Variants in LENG9 observed in about 807,000 individuals in gnomAD.
LENG9 encodes leukocyte receptor cluster (LRC) member 9.
For synonymous variants in LENG9, 410 were observed against 303.9 expected, an observed-to-expected ratio of 1.35 and a Z score of -3.63; for missense variants, 872 against 652.7, an observed-to-expected ratio of 1.34 and a Z score of -3.66.
Position 54,462,115 on chromosome 19 carries a change from G to A in LENG9, c.1412C>T (p.Pro471Leu). 6.4e-7 allele frequency: 1 copy of A among 1,573,620 alleles called. No individual in the cohort carries two copies. The highest frequency in any genetic ancestry group is 8.6e-7 in the Non-Finnish European group (1 of 1,158,912). ...TCACTCCAGGGGGATCTCAGCCAGG[G>A]GCTGGAAAGGCCCCCCTGTCCTCCC... ...RIGRTGGPFQ[P>L]LAEIPLE Residue 471 changes from proline (P) to leucine (L), a missense_variant, in exon 1 of 1, where the codon CCC (proline) becomes CTC (leucine). Physicochemically the swap from Pro to Leu is moderately conservative, Grantham distance 98. Transcript: ENST00000611161.
rs1400840929 is a variant in LENG9, at chr19:54,463,434, G to C, written c.93C>G (p.Arg31=). ...PPACRFFLEG[R]CRFGARCRQP... ...GGCGGCAGCGGGCGCCGAAGCGGCA[G>C]CGGCCTTCCAGGAAGAAGCGGCAGG... is the stretch of plus-strand genomic sequence containing the variant. Residue 31 remains arginine (R), a synonymous_variant, in exon 1 of 1, where the codon CGC becomes CGG. Coordinates refer to ENST00000611161, the MANE Select transcript of LENG9 (RefSeq NM_001301782.2). 8.0e-7 allele frequency: 1 copy of C among 1,252,672 alleles called. No homozygotes were observed. The allele number at this position is 1,252,672 out of a possible 1,614,324, so 77.6% of individuals were successfully genotyped here.
In LENG9 at chr19:54,463,561, G is replaced by C. The variant is rs2084672670; in HGVS notation, c.-35C>G. The C allele has an allele frequency of 2.9e-6, 4 of 1,376,798 alleles. No individual in the cohort carries two copies. Among genetic ancestry groups the C allele is most frequent in the South Asian group, 1.6e-5 (1 of 62,920 alleles). The allele number at this position is 1,376,798 out of a possible 1,614,324, so 85.3% of individuals were successfully genotyped here. A position where few individuals can be genotyped will look rare whatever the true frequency, so the allele number is the denominator to read the frequency against. On this transcript the variant is annotated 5_prime_UTR_variant, in exon 1 of 1. Coordinates refer to ENST00000611161, the MANE Select transcript of LENG9 (RefSeq NM_001301782.2). Reference sequence around the variant, plus strand: ...GAACTGGCACGCCCGCCGCGCAGACGAGGTCGCCCCGCACGGAGGGCGGCT... The same window carrying C: ...GAACTGGCACGCCCGCCGCGCAGACCAGGTCGCCCCGCACGGAGGGCGGCT...
In LENG9 at chr19:54,463,342, G is replaced by A. The variant is rs2084662836; in HGVS notation, c.185C>T (p.Pro62Leu). The change falls in exon 1 of 1, where the codon CCG (proline) becomes CTG (leucine). Residue 62 changes from proline to leucine, a missense_variant. By Grantham distance (98) the Pro-to-Leu change is moderately conservative. Coordinates refer to ENST00000611161, the MANE Select transcript of LENG9 (RefSeq NM_001301782.2). The stretch of plus-strand genomic sequence containing the variant: ...GACGTCCGCGGCTGTGCGCAGCGGC[G>A]GCTTCTTGGCCCCGGCCTCCGGCTG... ...EAQPEAGAKK[P>L]PLRTAADVIQ... The A allele has an allele frequency of 6.9e-6, 10 of 1,451,952 alleles. No individual in the cohort carries two copies. The African/African-American group carries it at 8.9e-5, about 13-fold the overall frequency. The allele number at this position is 1,451,952 out of a possible 1,614,324, so 89.9% of individuals were successfully genotyped here.
chr19:54,461,762 A>C lies in LENG9; in HGVS notation c.*328T>G, dbSNP rs927805198. The C allele has an allele frequency of 1.8e-6, 1 of 552,570 alleles. No homozygotes were observed. 34.2% of individuals were successfully genotyped at this position (552,570 alleles called of 1,614,324 possible). A position where few individuals can be genotyped will look rare whatever the true frequency, so the allele number is the denominator to read the frequency against. On this transcript the variant is annotated 3_prime_UTR_variant, in exon 1 of 1. Coordinates refer to ENST00000611161, the MANE Select transcript of LENG9 (RefSeq NM_001301782.2). ...TTCTCTTTTCTTTGTGTGTGTGTTT[A>C]TTTAAGTTATTTTTCTTCCTCCTCT...
rs761799845 is a variant in LENG9 at position 54,463,187 on chromosome 19, C to G, written c.340G>C (p.Gly114Arg). 31 of 1,569,638 alleles carry G rather than the reference C, an allele frequency of 2.0e-5. No homozygotes were observed. Among genetic ancestry groups the G allele is most frequent in the African/African-American group, 1.5e-4 (11 of 74,008 alleles). The change falls in exon 1 of 1, where the codon GGG becomes CGG. Residue 114 changes from glycine to arginine, a missense_variant. By Grantham distance (125) the Gly-to-Arg change is moderately radical. Coordinates refer to ENST00000611161, the MANE Select transcript of LENG9 (RefSeq NM_001301782.2). ...FCWDQPLAALGPGVLAVPQHR... is the reference protein window; with the variant it reads ...FCWDQPLAALRPGVLAVPQHR... The stretch of plus-strand genomic sequence containing the variant: ...TGGGGCACTGCCAGCACGCCCGGCC[C>G]GAGCGCCGCCAGCGGCTGGTCCCAG...
chr19:54,462,125 G>T lies in LENG9; in HGVS notation c.1402C>A (p.Pro468Thr), dbSNP rs781603076. The T allele has an allele frequency of 3.8e-6, 6 of 1,580,112 alleles. No individual in the cohort carries two copies. The African/African-American group carries it at 4.0e-5, about 11-fold the overall frequency. ...WLCRIGRTGG[P>T]FQPLAEIPLE ...GGGATCTCAGCCAGGGGCTGGAAAGGCCCCCCTGTCCTCCCTATACGGCAC... is the reference window on the plus strand; with the variant it reads ...GGGATCTCAGCCAGGGGCTGGAAAGTCCCCCCTGTCCTCCCTATACGGCAC... Residue 468 changes from proline (P) to threonine (T), a missense_variant, in exon 1 of 1, where the codon CCT (proline) becomes ACT (threonine). By Grantham distance (38) the Pro-to-Thr change is conservative (BLOSUM62 -1). Coordinates refer to ENST00000611161, the MANE Select transcript of LENG9 (RefSeq NM_001301782.2).
chr19:54,462,748 A>G lies in LENG9; in HGVS notation c.779T>C (p.Leu260Pro). The G allele has an allele frequency of 3.1e-6, 5 of 1,611,178 alleles. No homozygotes were observed. Among genetic ancestry groups the G allele is most frequent in the Non-Finnish European group, 4.2e-6 (5 of 1,179,990 alleles). The change falls in exon 1 of 1, where the codon CTG (leucine) becomes CCG (proline). Residue 260 changes from leucine to proline, a missense_variant. Leu to Pro is a moderately conservative substitution (Grantham distance 98). Coordinates refer to ENST00000611161, the MANE Select transcript of LENG9 (RefSeq NM_001301782.2). ...CTCAGCGGAGCCCCCCGGGACTCCC[A>G]GGGCCTGTGCTTCCTTGCCCCCCAG... Reference protein sequence around the residue: ...TLLGGKEAQALGVPGGSAETT... With the variant: ...TLLGGKEAQAPGVPGGSAETT...
In LENG9 at chr19:54,463,259, C is replaced by T. The variant is rs760643206; in HGVS notation, c.268G>A (p.Val90Ile). Residue 90 changes from valine (V) to isoleucine (I), a missense_variant, in exon 1 of 1, where the codon GTC becomes ATC. Coordinates refer to ENST00000611161, the MANE Select transcript of LENG9 (RefSeq NM_001301782.2). The stretch of plus-strand genomic sequence containing the variant: ...TCGCGCACACCCAGAAAGCGGTCGA[C>T]GTAGCCCACCGAGAAGTCGGCGGGG... ...LDPADFSVGY[V>I]DRFLGVREEP... 6.5e-7 allele frequency: 1 copy of T among 1,542,212 alleles called. No individual in the cohort carries two copies. The highest frequency in any genetic ancestry group is 8.7e-7 in the Non-Finnish European group (1 of 1,149,936).
At position 54,462,870 on chromosome 19, in the gene LENG9, C is replaced by T. The variant is rs767031159; in HGVS notation, c.657G>A (p.Leu219=). The change falls in exon 1 of 1, where the codon CTG becomes CTA. Residue 219 remains leucine (L), a synonymous_variant. Coordinates refer to ENST00000611161, the MANE Select transcript of LENG9 (RefSeq NM_001301782.2). ...GTGTTCCCAAATCAGCAGCTGTGCC[C>T]AGCGCCCTCTCCTGGGCCGCCTCCA... is the stretch of plus-strand genomic sequence containing the variant. ...GELEAAQERA[L]GTAADLGTLA... 1.9e-6 allele frequency: 3 copies of T among 1,612,778 alleles called. No homozygotes were observed. The highest frequency in any genetic ancestry group is 1.7e-6 in the Non-Finnish European group (2 of 1,179,982).
At position 54,463,212 on chromosome 19, in the gene LENG9, G is replaced by A. The variant is rs2084657330; in HGVS notation, c.315C>T (p.Cys105=). 2 of 1,553,992 alleles carry A rather than the reference G, an allele frequency of 1.3e-6. No homozygotes were observed. The highest frequency in any genetic ancestry group is 1.7e-6 in the Non-Finnish European group (2 of 1,156,424). ...GVREEPFSAF[C]WDQPLAALGP... Reference sequence around the variant, plus strand: ...CGAGCGCCGCCAGCGGCTGGTCCCAGCAAAAGGCGCTGAAGGGCTCCTCGC... The same window carrying A: ...CGAGCGCCGCCAGCGGCTGGTCCCAACAAAAGGCGCTGAAGGGCTCCTCGC... The change falls in exon 1 of 1, where the codon TGC becomes TGT. Residue 105 remains cysteine, a synonymous_variant. Coordinates refer to ENST00000611161, the MANE Select transcript of LENG9 (RefSeq NM_001301782.2).
Position 54,462,422 on chromosome 19 carries a change from G to C in LENG9, c.1105C>G (p.Leu369Val). 1 of 1,613,468 alleles carries C rather than the reference G, an allele frequency of 6.2e-7. No individual in the cohort carries two copies. Among genetic ancestry groups the C allele is most frequent in the Non-Finnish European group, 8.5e-7 (1 of 1,179,908 alleles). The change falls in exon 1 of 1, where the codon CTA becomes GTA. Residue 369 changes from leucine to valine, a missense_variant. Coordinates refer to ENST00000611161, the MANE Select transcript of LENG9 (RefSeq NM_001301782.2). Reference sequence around the variant, plus strand: ...AAGCTCAGCCGAGGGGGTGCATTTAGCCCCGGGGCCAAGAGGGCCCGTCTC... The same window carrying C: ...AAGCTCAGCCGAGGGGGTGCATTTACCCCCGGGGCCAAGAGGGCCCGTCTC... ...ALRRALLAPG[L>V]NAPPRLSFRK... is the part of the protein sequence containing the mutation.
chr19:54,463,674 C>T lies in LENG9; in HGVS notation c.-148G>A. On this transcript the variant is annotated 5_prime_UTR_variant, in exon 1 of 1. Coordinates refer to ENST00000611161, the MANE Select transcript of LENG9 (RefSeq NM_001301782.2). ...CTGGGGACCACGCCGCGTGCCCTCGCGAGGACTCTGGCCCAGTCCCTCCTT... is the reference window on the plus strand; with the variant it reads ...CTGGGGACCACGCCGCGTGCCCTCGTGAGGACTCTGGCCCAGTCCCTCCTT... 9.0e-7 allele frequency: 1 copy of T among 1,112,000 alleles called. No homozygotes were observed. The highest frequency in any genetic ancestry group is 1.2e-6 in the Non-Finnish European group (1 of 867,620). 68.9% of individuals were successfully genotyped at this position (1,112,000 alleles called of 1,614,324 possible). A position where few individuals can be genotyped will look rare whatever the true frequency, so the allele number is the denominator to read the frequency against.
Position 54,463,699 on chromosome 19 carries a change from T to A in LENG9, c.-173A>T. ...CGAGGACTCTGGCCCAGTCCCTCCT[T>A]GGTGGAGAGCCTGACACCGCTGCTC... On this transcript the variant is annotated 5_prime_UTR_variant, in exon 1 of 1. Transcript: ENST00000611161. 2 of 866,732 alleles carry A rather than the reference T, an allele frequency of 2.3e-6. No individual in the cohort carries two copies. The highest frequency in any genetic ancestry group is 3.1e-6 in the Non-Finnish European group (2 of 649,476). 53.7% of individuals were successfully genotyped at this position (866,732 alleles called of 1,614,324 possible).
chr19:54,463,134 A>C lies in LENG9; in HGVS notation c.393T>G (p.Arg131=). The C allele has an allele frequency of 6.3e-7, 1 of 1,598,278 alleles. No homozygotes were observed. Among genetic ancestry groups the C allele is most frequent in the Non-Finnish European group, 8.5e-7 (1 of 1,177,582 alleles). The change falls in exon 1 of 1, where the codon CGT becomes CGG. Residue 131 remains arginine, a synonymous_variant. Transcript: ENST00000611161. ...AGGCGCGGTCCCACACAAGGCGGCCACGGAAGCGGAAGAAGCGCACGCGGT... is the reference window on the plus strand; with the variant it reads ...AGGCGCGGTCCCACACAAGGCGGCCCCGGAAGCGGAAGAAGCGCACGCGGT... The part of the protein sequence containing the change: ...PQHRVRFFRF[R]GRLVWDRASR...
rs1169387068 is a variant in LENG9 at position 54,463,390 on chromosome 19, G to A, written c.137C>T (p.Pro46Leu). The A allele has an allele frequency of 3.1e-6, 4 of 1,291,102 alleles. No homozygotes were observed. The highest frequency in any genetic ancestry group is 1.6e-5 in the African/African-American group (1 of 64,172). The allele number at this position is 1,291,102 out of a possible 1,614,324, so 80.0% of individuals were successfully genotyped here. A position where few individuals can be genotyped will look rare whatever the true frequency, so the allele number is the denominator to read the frequency against. Residue 46 changes from proline (P) to leucine (L), a missense_variant, in exon 1 of 1, where the codon CCG becomes CTG. Transcript: ENST00000611161. ...CTGCGCCTCGCGGCCAGGCGGCGCC[G>A]GCGCCCCAGGGTGGGGCTGGCGGCA... The part of the protein sequence containing the change: ...ARCRQPHPGA[P>L]APPGREAQPE...
rs996314065 is a variant in LENG9, at chr19:54,461,872, C to G, written c.*218G>C. 1 of 658,694 alleles carries G rather than the reference C, an allele frequency of 1.5e-6. No homozygotes were observed. The highest frequency in any genetic ancestry group is 2.8e-6 in the Non-Finnish European group (1 of 350,936). 40.8% of individuals were successfully genotyped at this position (658,694 alleles called of 1,614,324 possible). Reference sequence around the variant, plus strand: ...ATGAGTTTGCAAACAGCTGGACTGTCAGGCTGCTTTTTTTCCAGATGTTCC... The same window carrying G: ...ATGAGTTTGCAAACAGCTGGACTGTGAGGCTGCTTTTTTTCCAGATGTTCC... On this transcript the variant is annotated 3_prime_UTR_variant, in exon 1 of 1. Transcript: ENST00000611161.
Position 54,462,545 on chromosome 19 carries a change from AGT to A in LENG9, c.980_981del (p.His327LeufsTer51). ...AQEYLVHVAPHCANFLVPSQN... is the reference protein window; with the variant it reads ...AQEYLVHVAPXCANFLVPSQN... ...TGAGAGGGCACTAGGAAGTTGGCGCAGTGTGGGGCCACGTGGACCAGGTATTC... is the reference window on the plus strand; with the variant it reads ...TGAGAGGGCACTAGGAAGTTGGCGCAGTGGGGCCACGTGGACCAGGTATTC... On this transcript the variant is annotated frameshift_variant, in exon 1 of 1. Coordinates refer to ENST00000611161, the MANE Select transcript of LENG9 (RefSeq NM_001301782.2). LOFTEE classifies it low-confidence loss of function (END_TRUNC). 1 of 1,613,674 alleles carries A rather than the reference AGT, an allele frequency of 6.2e-7. No homozygotes were observed. Among genetic ancestry groups the A allele is most frequent in the Non-Finnish European group, 8.5e-7 (1 of 1,180,006 alleles).
In LENG9 at chr19:54,462,677, T is replaced by C. The variant is rs758580873; in HGVS notation, c.850A>G (p.Arg284Gly). The change falls in exon 1 of 1, where the codon AGG becomes GGG. Residue 284 changes from arginine to glycine, a missense_variant. Physicochemically the swap from Arg to Gly is moderately radical, Grantham distance 125. Coordinates refer to ENST00000611161, the MANE Select transcript of LENG9 (RefSeq NM_001301782.2). ...WGPAAWPEDKRARLSVAAPCQ... is the reference protein window; with the variant it reads ...WGPAAWPEDKGARLSVAAPCQ... Reference sequence around the variant, plus strand: ...GGGGCTGCAACACTAAGGCGGGCCCTTTTGTCCTCGGGCCAGGCCGCAGGA... The same window carrying C: ...GGGGCTGCAACACTAAGGCGGGCCCCTTTGTCCTCGGGCCAGGCCGCAGGA... 1.3e-5 allele frequency: 21 copies of C among 1,611,656 alleles called. No homozygotes were observed. The African/African-American group carries it at 2.5e-4, about 19-fold the overall frequency.
Position 54,463,384 on chromosome 19 carries a change from G to C in LENG9, c.143C>G (p.Pro48Arg). Residue 48 changes from proline (P) to arginine (R), a missense_variant, in exon 1 of 1, where the codon CCG (proline) becomes CGG (arginine). Physicochemically the swap from Pro to Arg is moderately radical, Grantham distance 103. Transcript: ENST00000611161. Reference protein sequence around the residue: ...CRQPHPGAPAPPGREAQPEAG... With the variant: ...CRQPHPGAPARPGREAQPEAG... ...CTCCGGCTGCGCCTCGCGGCCAGGC[G>C]GCGCCGGCGCCCCAGGGTGGGGCTG... The C allele has an allele frequency of 7.7e-7, 1 of 1,294,162 alleles. No individual in the cohort carries two copies. Among genetic ancestry groups the C allele is most frequent in the South Asian group, 2.3e-5 (1 of 42,662 alleles). 80.2% of individuals were successfully genotyped at this position (1,294,162 alleles called of 1,614,324 possible).
Sources: allele counts gnomAD v4.1 joint callset, GRCh38; gene constraint gnomAD v4.1.1; transcripts MANE v1.5; gene names NCBI Gene and HGNC (gene_info 2026-07-23, HGNC 2026-07-21).